PRKCI: variants seen among roughly 807,000 people sequenced by gnomAD.
PRKCI encodes protein kinase C iota type.
A neutral mutation model predicts 84.0 loss-of-function variants in PRKCI; 43 were observed. The observed-to-expected ratio is 0.51, with a 90% confidence interval of 0.40 to 0.66. The LOEUF is 0.66. Among genes scored for constraint, PRKCI ranks in the 30% least tolerant of loss-of-function variants. The pLI is 0.00. For synonymous variants in PRKCI, 216 were observed against 234.4 expected (o/e 0.92, Z 0.72); for missense variants, 459 against 745.6 (o/e 0.62, Z 4.48).
rs977160849 is a variant in PRKCI, at chr3:170,266,911, T to C, written c.365-1004T>C. 3.3e-5 allele frequency among the ~76,000 whole-genome samples: 5 copies of C among 152,204 alleles called. No individual in the cohort carries two copies. In the South Asian group the frequency reaches 1.0e-3, roughly 31 times the overall value. On this transcript the variant is annotated intron_variant, in intron 4 of 17. Coordinates refer to ENST00000295797, the MANE Select transcript of PRKCI (RefSeq NM_002740.6). ...GGGTGGCCGAGGCAGGAGAATTGCT[T>C]AAACCCAGGAGGCGGAGGTTGCAGT...
At chr3:170,283,714 G>C (rs1404817458) in intron 11 of PRKCI, among the ~76,000 whole-genome samples, 1 of 152,142 alleles carries the variant, frequency 6.6e-6, no homozygotes, top group Non-Finnish European at 1.5e-5. Flanking sequence ...CTTTGCTTTT[G>C]TAAGAACTAA....
At chr3:170,297,485 T>A in intron 16 of PRKCI, 92 bp downstream of exon 16, 17 of 1,042,910 alleles carry the variant, frequency 1.6e-5, no homozygotes, top group East Asian at 2.6e-5. Context: ...GACAGAGTCT[T>A]GCTCTGTCAC....
intron 2 of PRKCI, among the ~76,000 whole-genome samples, chr3:170,247,266 G>A (rs1294703414): frequency 6.6e-6 from 1 of 151,682 alleles, no homozygotes; most frequent in East Asian, 1.9e-4. Context: ...ATGTTGCCCA[G>A]GCTGGTCTTG....
chr3:170,275,793 G>A (rs1054746107), intron 8 of PRKCI, among the ~76,000 whole-genome samples: 4 of 151,980 alleles, frequency 2.6e-5, no homozygotes, highest in Non-Finnish European at 5.9e-5. Flanking sequence ...TCCACTCCCA[G>A]TTTGGCTTCT....
intron 2 of PRKCI, among the ~76,000 whole-genome samples, chr3:170,255,355 T>C (rs1162697909): frequency 2.6e-5 from 4 of 152,112 alleles, no homozygotes; most frequent in Admixed American, 2.6e-4. Flanking sequence ...CCACCGCGCC[T>C]GGCTGAGATC....
intron 2 of PRKCI, among the ~76,000 whole-genome samples, chr3:170,245,945 C>CTTTGTTTTTTTTTTTTG (rs1553837881): frequency 3.2e-5 from 3 of 95,182 alleles, no homozygotes; most frequent in African/African-American, 1.5e-4. Flanking sequence ...GATGTTATGT[C>CTTTGTTTTTTTTTTTTG]TTTGTTTTTT....
Position 170,293,458 on chromosome 3 carries a change from T to C in PRKCI, c.1367T>C (p.Val456Ala), listed in dbSNP as rs776558522. The C allele has an allele frequency of 2.5e-5, 41 of 1,613,650 alleles. No individual in the cohort carries two copies. The highest frequency in any genetic ancestry group is 3.2e-5 in the Non-Finnish European group (38 of 1,179,704). ...MMAGRSPFDI[V>A]GSSDNPDQNT... ...GCAGGAAGGTCTCCATTTGATATTG[T>C]TGGGAGCTCCGATAACCCTGACCAG... The change falls in exon 14 of 18, where the codon GTT (valine) becomes GCT (alanine). Residue 456 changes from valine to alanine, a missense_variant. Val to Ala is a moderately conservative substitution (Grantham distance 64). Transcript: ENST00000295797.
At chr3:170,246,243 C>G (rs1387598664) in intron 2 of PRKCI, among the ~76,000 whole-genome samples, 1 of 152,182 alleles carries the variant, frequency 6.6e-6, no homozygotes, top group Non-Finnish European at 1.5e-5. Context: ...ACCTCCGCCT[C>G]CCGTGTTCAA....
chr3:170,224,585 A>G (rs1233377568), intron 1 of PRKCI, among the ~76,000 whole-genome samples: 1 of 152,074 alleles, frequency 6.6e-6, no homozygotes, highest in Non-Finnish European at 1.5e-5. Context: ...GTGCAGTGGC[A>G]CAATCTCGGC....
At chr3:170,279,313 G>C (rs942785302) in intron 8 of PRKCI, among the ~76,000 whole-genome samples, 4 of 152,232 alleles carry the variant, frequency 2.6e-5, no homozygotes, top group African/African-American at 9.6e-5. Flanking sequence ...ATACAGGCAT[G>C]AGCCACTGTG....
chr3:170,293,469 G>A lies in PRKCI; in HGVS notation c.1378G>A (p.Asp460Asn), dbSNP rs1341309666. 11 of 1,613,628 alleles carry A rather than the reference G, an allele frequency of 6.8e-6. No homozygotes were observed. The highest frequency in any genetic ancestry group is 2.7e-5 in the African/African-American group (2 of 74,886). The change falls in exon 14 of 18, where the codon GAT becomes AAT. Residue 460 changes from aspartate to asparagine, a missense_variant. Transcript: ENST00000295797. ...TCCATTTGATATTGTTGGGAGCTCC[G>A]ATAACCCTGACCAGAACACAGAGGA... ...RSPFDIVGSS[D>N]NPDQNTEDYL...
chr3:170,291,763 T>C (rs1734558284), intron 12 of PRKCI, 91 bp from the exon 13 acceptor site: 5 of 941,808 alleles, frequency 5.3e-6, no homozygotes, highest in African/African-American at 1.6e-5. Context: ...TCACTGCAGA[T>C]GCTGAACTTA....
At chr3:170,231,358 T>C (rs1461742114) in intron 1 of PRKCI, among the ~76,000 whole-genome samples, 1 of 152,188 alleles carries the variant, frequency 6.6e-6, no homozygotes, top group African/African-American at 2.4e-5. Flanking sequence ...AATTAAACTT[T>C]CCACCTTACT....
chr3:170,275,337 G>C (rs774194368), intron 8 of PRKCI, 50 bp downstream of exon 8: 90 of 1,528,282 alleles, frequency 5.9e-5, no homozygotes, highest in Non-Finnish European at 6.8e-5. Flanking sequence ...TTTTAATAAG[G>C]CTCAGGAGTT....
At chr3:170,239,895 C>T (rs1165991784) in intron 2 of PRKCI, among the ~76,000 whole-genome samples, 32 of 152,034 alleles carry the variant, frequency 2.1e-4, no homozygotes, top group Admixed American at 2.1e-3. Flanking sequence ...TGCTTGTAAT[C>T]CCAGCATTTT....
At chr3:170,230,130 A>T (rs1157056036) in intron 1 of PRKCI, among the ~76,000 whole-genome samples, 9 of 148,550 alleles carry the variant, frequency 6.1e-5, no homozygotes, top group Non-Finnish European at 1.2e-4. Flanking sequence ...AGTGTTTTTC[A>T]TCTAAAAATA....
chr3:170,231,075 T>C (rs1220349178), intron 1 of PRKCI, among the ~76,000 whole-genome samples: 2 of 151,288 alleles, frequency 1.3e-5, no homozygotes, highest in South Asian at 4.2e-4. Context: ...TTCTCCAGTC[T>C]CAGTCTCTCA....
intron 1 of PRKCI, among the ~76,000 whole-genome samples, chr3:170,232,131 G>A (rs1315533686): frequency 1.3e-5 from 2 of 151,890 alleles, no homozygotes; most frequent in Non-Finnish European, 2.9e-5. Flanking sequence ...GCTCACTGCA[G>A]CCTTAACTGC....
chr3:170,264,231 C>CT (rs572497373), intron 4 of PRKCI, among the ~76,000 whole-genome samples: 11,976 of 143,844 alleles, frequency 0.083, 1,126 homozygotes, highest in African/African-American at 0.23. Flanking sequence ...TAGGAATTGG[C>CT]TTTTTTTTTT....
Sources: allele counts gnomAD v4.1 joint callset (sites outside exome capture counted in the v4.1 genomes callset), GRCh38; gene constraint gnomAD v4.1.1; transcripts MANE v1.5; gene names NCBI Gene and HGNC (gene_info 2026-07-23, HGNC 2026-07-21).